The following ZC3H12C variants were observed in gnomAD, a reference collection of about 807,000 sequenced individuals.
ZC3H12C encodes the protein zinc finger CCCH-type containing 12C.
A neutral mutation model predicts 76.3 loss-of-function variants in ZC3H12C; 20 were observed. The ratio of observed to expected loss-of-function variants is 0.26; its 90% CI spans 0.18 to 0.38. The LOEUF is 0.38. Among genes scored for constraint, ZC3H12C ranks in the 10% least tolerant of loss-of-function variants. The pLI is 1.00. For missense variants in ZC3H12C, 874 were observed against 1,086.5 expected (o/e 0.80, Z 2.75); for synonymous variants, 352 against 399.6 (o/e 0.88, Z 1.42).
intron 3 of ZC3H12C, among the ~76,000 whole-genome samples, chr11:110,154,098 G>A (rs575212856): frequency 2.0e-5 from 3 of 152,226 alleles, no homozygotes; most frequent in African/African-American, 7.2e-5. Flanking sequence ...TTGGCTGGGC[G>A]CAGTGGCTCA....
chr11:110,096,835 G>A (rs1004900205), intron 1 of ZC3H12C, among the ~76,000 whole-genome samples: 8 of 152,216 alleles, frequency 5.3e-5, no homozygotes, highest in Non-Finnish European at 8.8e-5. Flanking sequence ...CAAGGACCGT[G>A]TCTTTTTGCC....
At chr11:110,098,945 A>G (rs1276626423) in intron 1 of ZC3H12C, among the ~76,000 whole-genome samples, 1 of 152,248 alleles carries the variant, frequency 6.6e-6, no homozygotes, top group Non-Finnish European at 1.5e-5. Flanking sequence ...GTGAGGTTTA[A>G]GCAAAATAAT....
chr11:110,151,980 A>G (rs1257268200), intron 2 of ZC3H12C, among the ~76,000 whole-genome samples: 1 of 152,168 alleles, frequency 6.6e-6, no homozygotes, highest in Non-Finnish European at 1.5e-5. Flanking sequence ...TTAATAAAGC[A>G]TTTACCTTCA....
chr11:110,097,107 G>C (rs1432490021), intron 1 of ZC3H12C, among the ~76,000 whole-genome samples: 1 of 152,182 alleles, frequency 6.6e-6, no homozygotes, highest in African/African-American at 2.4e-5. Flanking sequence ...ATAATCCAGA[G>C]AGAACTCATT....
intron 1 of ZC3H12C, among the ~76,000 whole-genome samples, chr11:110,117,499 T>G (rs947021992): frequency 6.6e-6 from 1 of 151,630 alleles, no homozygotes; most frequent in African/African-American, 2.4e-5. Context: ...AGCTAACATA[T>G]GAATGCTTGC....
intron 1 of ZC3H12C, among the ~76,000 whole-genome samples, chr11:110,099,058 T>TC (rs1861165415): frequency 6.6e-6 from 1 of 152,238 alleles, no homozygotes; most frequent in East Asian, 1.9e-4. Flanking sequence ...ATTCGCTCTC[T>TC]CATTTAACGT....
chr11:110,136,835 A>C lies in ZC3H12C; in HGVS notation c.194A>C (p.Asn65Thr), dbSNP rs769276498. Residue 65 changes from asparagine (N) to threonine (T), a missense_variant, in exon 2 of 6, where the codon AAC becomes ACC. Coordinates refer to ENST00000278590, the MANE Select transcript of ZC3H12C (RefSeq NM_033390.2). ...GCTGTACCTTGGTCAACAGTAGAAA[A>C]CCCAAGTATGGATACCGTTAATGTG... The part of the protein sequence containing the change: ...SPAVPWSTVE[N>T]PSMDTVNVGK... The C allele has an allele frequency of 1.9e-6, 3 of 1,613,836 alleles. No homozygotes were observed. The highest frequency in any genetic ancestry group is 2.5e-6 in the Non-Finnish European group (3 of 1,179,846).
At chr11:110,097,836 A>G (rs1003503644) in intron 1 of ZC3H12C, among the ~76,000 whole-genome samples, 1 of 152,202 alleles carries the variant, frequency 6.6e-6, no homozygotes, top group Non-Finnish European at 1.5e-5. Flanking sequence ...TCGCCTAGTG[A>G]TGTCATAGCC....
At chr11:110,147,597 A>G (rs1454624255) in intron 2 of ZC3H12C, among the ~76,000 whole-genome samples, 1 of 150,172 alleles carries the variant, frequency 6.7e-6, no homozygotes, top group African/African-American at 2.5e-5. Context: ...CAGCCCATGT[A>G]TCCCAGAATT....
At chr11:110,115,748 C>CTTTTTTTTT (rs71476067) in intron 1 of ZC3H12C, among the ~76,000 whole-genome samples, 2 of 120,308 alleles carry the variant, frequency 1.7e-5, no homozygotes, top group Non-Finnish European at 3.4e-5. Context: ...TTCTCATTTT[C>CTTTTTTTTT]TTTTTTTTTT....
chr11:110,167,085 C>A lies in ZC3H12C; in HGVS notation c.*1348C>A, dbSNP rs1409449922. 6.6e-6 allele frequency: 1 copy of A among 152,120 alleles called. No homozygotes were observed. Among genetic ancestry groups the A allele is most frequent in the Admixed American group, 6.5e-5 (1 of 15,274 alleles). 9.4% of individuals were successfully genotyped at this position (152,120 alleles called of 1,614,324 possible). On this transcript the variant is annotated 3_prime_UTR_variant, in exon 6 of 6. Coordinates refer to ENST00000278590, the MANE Select transcript of ZC3H12C (RefSeq NM_033390.2). ...AGAAGATAGATTTTGCAGTCAGTGG[C>A]AGACAGTTGTGTGATTGACATCACT...
At chr11:110,157,311 C>T (rs1162503278) in intron 3 of ZC3H12C, among the ~76,000 whole-genome samples, 1 of 152,026 alleles carries the variant, frequency 6.6e-6, no homozygotes, top group Non-Finnish European at 1.5e-5. Context: ...ATGTACTTCT[C>T]ATAGTCTATC....
In ZC3H12C at chr11:110,164,841, G is replaced by A. The variant is rs1862547459; in HGVS notation, c.1756G>A (p.Asp586Asn). Residue 586 changes from aspartate (D) to asparagine (N), a missense_variant, in exon 6 of 6, where the codon GAC becomes AAC. Physicochemically the swap from Asp to Asn is conservative, Grantham distance 23 (BLOSUM62 1). This residue lies in a region of ZC3H12C where 395 missense variants were observed against 434.4 expected (regional missense o/e 0.91). Transcript: ENST00000278590. The surrounding 1 kb of genome is among the most constrained non-coding windows in gnomAD (Gnocchi z 5.7). ...GTATCCAAAATGTGACTCACCTGTCGACATCGGATATTATTCCATGTTGAA... is the reference window on the plus strand; with the variant it reads ...GTATCCAAAATGTGACTCACCTGTCAACATCGGATATTATTCCATGTTGAA... ...EQYPKCDSPV[D>N]IGYYSMLNAY... The A allele has an allele frequency of 2.5e-6, 4 of 1,613,928 alleles. No individual in the cohort carries two copies. Among genetic ancestry groups the A allele is most frequent in the South Asian group, 1.1e-5 (1 of 91,054 alleles).
chr11:110,122,902 C>T (rs1591467730), intron 1 of ZC3H12C, among the ~76,000 whole-genome samples: 1 of 152,226 alleles, frequency 6.6e-6, no homozygotes, highest in African/African-American at 2.4e-5. Flanking sequence ...TTTTTCATTT[C>T]TCCTCTAGCC....
chr11:110,154,834 TAAAAAAAA>T (rs5794671), intron 3 of ZC3H12C, among the ~76,000 whole-genome samples: 2 of 69,842 alleles, frequency 2.9e-5, no homozygotes, highest in African/African-American at 5.3e-5. Context: ...ACAGCTTGAT[TAAAAAAAA>T]AAAAAAAAAA....
Position 110,170,717 on chromosome 11 carries a change from G to A in ZC3H12C, c.*4980G>A, listed in dbSNP as rs942051449. ...GCTGCTGAGCATGTTTATTCACAGT[G>A]CTTTATACCGGGTGTTGCATCAGTA... On this transcript the variant is annotated 3_prime_UTR_variant, in exon 6 of 6. Coordinates refer to ENST00000278590, the MANE Select transcript of ZC3H12C (RefSeq NM_033390.2). The A allele has an allele frequency of 1.3e-5, 2 of 152,170 alleles. No individual in the cohort carries two copies. Among genetic ancestry groups the A allele is most frequent in the Non-Finnish European group, 2.9e-5 (2 of 68,008 alleles). The allele number at this position is 152,170 out of a possible 1,614,324, so 9.4% of individuals were successfully genotyped here.
chr11:110,112,466 T>C (rs929462998), intron 1 of ZC3H12C, among the ~76,000 whole-genome samples: 2 of 152,202 alleles, frequency 1.3e-5, no homozygotes, highest in Non-Finnish European at 2.9e-5. Flanking sequence ...GCTGGGATTA[T>C]AGGTGTGAGC....
Position 110,163,277 on chromosome 11 carries a change from A to C in ZC3H12C, c.1153A>C (p.Met385Leu). 6.2e-7 allele frequency: 1 copy of C among 1,611,772 alleles called. No homozygotes were observed. Among genetic ancestry groups the C allele is most frequent in the South Asian group, 1.1e-5 (1 of 90,160 alleles). ...LMYSFVNDKFMPPDDPLGRHG... is the reference protein window; with the variant it reads ...LMYSFVNDKFLPPDDPLGRHG... ...TTTTTATTATCTCCATGACAGGTTC[A>C]TGCCCCCTGATGACCCTCTTGGCAG... is the stretch of plus-strand genomic sequence containing the variant. Residue 385 changes from methionine (M) to leucine (L), a missense_variant, in exon 5 of 6, where the codon ATG becomes CTG. By Grantham distance (15) the Met-to-Leu change is conservative. Transcript: ENST00000278590.
At chr11:110,157,035 C>A (rs1032037948) in intron 3 of ZC3H12C, among the ~76,000 whole-genome samples, 1 of 151,888 alleles carries the variant, frequency 6.6e-6, no homozygotes, top group African/African-American at 2.4e-5. Context: ...AAAAATTAGC[C>A]GGGCATGGTG....
Sources: allele counts gnomAD v4.1 joint callset (sites outside exome capture counted in the v4.1 genomes callset), GRCh38; gene constraint gnomAD v4.1.1; regional missense constraint gnomAD v4.1.1; non-coding constraint Gnocchi (gnomAD v3.1); transcripts MANE v1.5; gene names NCBI Gene and HGNC (gene_info 2026-07-23, HGNC 2026-07-21).